Variants in ARID1B observed in about 807,000 individuals in gnomAD.
ARID1B encodes AT-rich interactive domain-containing protein 1B.
In ARID1B, 30 loss-of-function variants were observed where a neutral mutation model predicts 212.3. The ratio of observed to expected loss-of-function variants is 0.14; its 90% confidence interval spans 0.11 to 0.19. The LOEUF (loss-of-function observed/expected upper bound fraction) is 0.19, where lower values mean the gene tolerates loss of function less well. Among genes scored for constraint, ARID1B ranks in the 10% least tolerant of loss-of-function variants. The pLI is 1.00. For missense variants in ARID1B, 2,891 were observed against 3,204.0 expected, an observed-to-expected ratio of 0.90 and a Z score of 2.36; for synonymous variants, 1,402 against 1,301.7, an observed-to-expected ratio of 1.08 and a Z score of -1.66.
At chr6:156,947,080 A>G (rs1214626693) in intron 4 of ARID1B, among the ~76,000 whole-genome samples, 1 of 152,228 alleles carries the variant, frequency 6.6e-6, no homozygotes, top group Non-Finnish European at 1.5e-5. Flanking sequence ...ACATCATCCC[A>G]GAGTGTCTCT....
intron 5 of ARID1B, among the ~76,000 whole-genome samples, chr6:157,090,525 CATA>C (rs1785211082): frequency 6.6e-6 from 1 of 152,244 alleles, no homozygotes; most frequent in South Asian, 2.1e-4. Context: ...CACGCTAGCA[CATA>C]ATGAGTAGCT....
chr6:157,021,291 G>A (rs920174864), intron 4 of ARID1B, among the ~76,000 whole-genome samples: 2 of 152,244 alleles, frequency 1.3e-5, no homozygotes, highest in Admixed American at 6.5e-5. Context: ...GCCCACGGAA[G>A]AAGCCGAGCT....
At chr6:156,782,057 A>G (rs1583033761) in intron 1 of ARID1B, among the ~76,000 whole-genome samples, 1 of 117,452 alleles carries the variant, frequency 8.5e-6, no homozygotes, top group Admixed American at 1.2e-4. Flanking sequence ...AATTTCTTTT[A>G]AGTACCTTAC....
At chr6:156,961,190 G>A in intron 4 of ARID1B, among the ~76,000 whole-genome samples, 1 of 152,240 alleles carries the variant, frequency 6.6e-6, no homozygotes, top group Non-Finnish European at 1.5e-5. Context: ...CCAGGTGCGT[G>A]CTCTGCGACA....
chr6:157,076,154 A>T (rs1784290124), intron 4 of ARID1B, among the ~76,000 whole-genome samples: 1 of 152,244 alleles, frequency 6.6e-6, no homozygotes, highest in Non-Finnish European at 1.5e-5. Context: ...AAGGATGAAG[A>T]ACAAATACAT....
intron 4 of ARID1B, among the ~76,000 whole-genome samples, chr6:156,995,350 C>T (rs187081240): frequency 6.6e-6 from 1 of 152,334 alleles, no homozygotes; most frequent in East Asian, 1.9e-4. Flanking sequence ...CTTATTTTTA[C>T]AAAGGACCTG....
intron 4 of ARID1B, among the ~76,000 whole-genome samples, chr6:157,010,120 A>T (rs561828226): frequency 6.6e-6 from 1 of 152,224 alleles, no homozygotes; most frequent in Admixed American, 6.5e-5. Flanking sequence ...ACCTAAAGTG[A>T]TCACACTTAT....
chr6:157,184,091 T>A, intron 12 of ARID1B, 140 bp from the exon 13 acceptor site: 1 of 729,928 alleles, frequency 1.4e-6, no homozygotes. Context: ...GCCTATGCAC[T>A]GCTGAGTGGG....
intron 4 of ARID1B, among the ~76,000 whole-genome samples, chr6:157,048,090 C>T (rs1782357307): frequency 6.6e-6 from 1 of 152,128 alleles, no homozygotes; most frequent in African/African-American, 2.4e-5. Context: ...GGTGAAAGCC[C>T]TCCTCCTTCC....
intron 1 of ARID1B, among the ~76,000 whole-genome samples, chr6:156,805,824 C>T (rs551105437): frequency 3.9e-5 from 6 of 152,178 alleles, no homozygotes; most frequent in African/African-American, 1.4e-4. Flanking sequence ...CACAGATGCG[C>T]ACTGCCACAA....
chr6:157,184,778 C>T (rs1169216506), intron 13 of ARID1B: 3 of 326,928 alleles, frequency 9.2e-6, no homozygotes, highest in Non-Finnish European at 1.7e-5. Flanking sequence ...AATAAAGATC[C>T]CCCAGTGGCC....
Position 157,032,349 on chromosome 6 carries a change from T to C in ARID1B, c.2248-52313T>C, listed in dbSNP as rs563352136. Among the ~76,000 whole-genome samples the C allele has an allele frequency of 9.2e-5, 14 of 152,304 alleles. No homozygotes were observed. In the East Asian group the frequency reaches 2.7e-3, roughly 29 times the overall value. ...ACCATACTTTAACCATCTCCCATATTTGTACGTTTTTTTCTAATATGTTAT... is the reference window on the plus strand; with the variant it reads ...ACCATACTTTAACCATCTCCCATATCTGTACGTTTTTTTCTAATATGTTAT... On this transcript the variant is annotated intron_variant, in intron 4 of 19. Coordinates refer to ENST00000636930, the MANE Select transcript of ARID1B (RefSeq NM_001374828.1).
chr6:156,887,803 C>T (rs1487799459), intron 2 of ARID1B, among the ~76,000 whole-genome samples: 1 of 152,102 alleles, frequency 6.6e-6, no homozygotes, highest in African/African-American at 2.4e-5. Context: ...GTATTTAAAA[C>T]CTACACACGA....
At chr6:157,114,523 CAAAAAAAA>C (rs111845551) in intron 6 of ARID1B, among the ~76,000 whole-genome samples, 7 of 50,412 alleles carry the variant, frequency 1.4e-4, no homozygotes, top group East Asian at 3.4e-3. Flanking sequence ...CACTCCGTCT[CAAAAAAAA>C]AAAAAAAAAA....
chr6:157,168,700 C>G (rs556366888), intron 9 of ARID1B: 2 of 152,270 alleles, frequency 1.3e-5, no homozygotes, highest in East Asian at 3.9e-4. Flanking sequence ...TAAGGAATAG[C>G]CAGCTTAATG....
In ARID1B at chr6:157,209,483, A is replaced by G. The variant is rs1794671517; in HGVS notation, c.*1592A>G. 4.3e-6 allele frequency: 1 copy of G among 232,930 alleles called. No individual in the cohort carries two copies. The highest frequency in any genetic ancestry group is 5.6e-5 in the Admixed American group (1 of 17,802). The allele number at this position is 232,930 out of a possible 1,614,324, so 14.4% of individuals were successfully genotyped here. A position where few individuals can be genotyped will look rare whatever the true frequency, so the allele number is the denominator to read the frequency against. On this transcript the variant is annotated 3_prime_UTR_variant, in exon 20 of 20. Coordinates refer to ENST00000636930, the MANE Select transcript of ARID1B (RefSeq NM_001374828.1). ...GTCTTTCTTTGAAGCAATTAACTCT[A>G]ACGACATTGAGGTATGATCATTTTC...
At chr6:157,137,651 T>G (rs1789030857) in intron 7 of ARID1B, among the ~76,000 whole-genome samples, 1 of 152,236 alleles carries the variant, frequency 6.6e-6, no homozygotes, top group Admixed American at 6.5e-5. Flanking sequence ...TTAGTTTTGC[T>G]GTGAGTAAGT....
chr6:157,091,855 C>T (rs1785303056), intron 5 of ARID1B, among the ~76,000 whole-genome samples: 1 of 152,054 alleles, frequency 6.6e-6, no homozygotes, highest in African/African-American at 2.4e-5. Flanking sequence ...AGCAGTAGAC[C>T]CTCTAAAATG....
At chr6:156,959,715 T>A (rs1364518155) in intron 4 of ARID1B, among the ~76,000 whole-genome samples, 1 of 152,140 alleles carries the variant, frequency 6.6e-6, no homozygotes, top group African/African-American at 2.4e-5. Flanking sequence ...GAGTCCTTTT[T>A]AAATATATGA....
Sources: allele counts gnomAD v4.1 joint callset (sites outside exome capture counted in the v4.1 genomes callset), GRCh38; gene constraint gnomAD v4.1.1; transcripts MANE v1.5; gene names NCBI Gene and HGNC (gene_info 2026-07-23, HGNC 2026-07-21).